BEND7: variants seen among roughly 807,000 people sequenced by gnomAD.
BEND7 encodes BEN domain-containing protein 7.
A neutral mutation model predicts 50.9 loss-of-function variants in BEND7; 28 were observed. The ratio of observed to expected loss-of-function variants is 0.55; its 90% confidence interval spans 0.41 to 0.75. BEND7 has a LOEUF of 0.75. Ranked by LOEUF, BEND7 falls within the 30% of genes least tolerant of loss-of-function variation. The probability of loss-of-function intolerance (pLI) is 0.00; values close to 1 mark genes in which losing one functional copy is unlikely to be tolerated. For missense variants in BEND7, 477 were observed against 491.3 expected (o/e 0.97, Z 0.28); for synonymous variants, 170 against 183.9 (o/e 0.92, Z 0.61).
intron 8 of BEND7, chr10:13,444,619 T>C (rs1835900105): frequency 6.6e-6 from 1 of 152,116 alleles, no homozygotes; most frequent in Admixed American, 6.5e-5. Flanking sequence ...AGCTCAAGGA[T>C]GAAACCACAT....
chr10:13,452,526 A>G lies in BEND7; in HGVS notation c.1183+13T>C. ...AGTGCTTCTCCAATTATTTTTCTGCACCTTAGTCATACCTGAGCCTCTTTT... is the reference window on the plus strand; with the variant it reads ...AGTGCTTCTCCAATTATTTTTCTGCGCCTTAGTCATACCTGAGCCTCTTTT... On this transcript the variant is annotated intron_variant, in intron 7 of 8. Coordinates refer to ENST00000466271, the MANE Select transcript of BEND7 (RefSeq NM_001369863.1). 2 of 1,591,384 alleles carry G rather than the reference A, an allele frequency of 1.3e-6. No individual in the cohort carries two copies. The highest frequency in any genetic ancestry group is 4.5e-5 in the East Asian group (2 of 44,572).
At chr10:13,506,839 C>A (rs1322435145) in intron 2 of BEND7, among the ~76,000 whole-genome samples, 1 of 151,472 alleles carries the variant, frequency 6.6e-6, no homozygotes. Context: ...GGGGTGGAGG[C>A]GGGAAGAATC....
intron 7 of BEND7, 22 bp from the exon 8 acceptor site, chr10:13,447,338 C>A: frequency 1.2e-6 from 2 of 1,613,628 alleles, no homozygotes; most frequent in Non-Finnish European, 1.7e-6. Context: ...AAACATAAGA[C>A]ACAAATCTCA....
intron 2 of BEND7, among the ~76,000 whole-genome samples, chr10:13,504,595 C>T (rs1819671842): frequency 6.6e-6 from 1 of 152,212 alleles, no homozygotes; most frequent in African/African-American, 2.4e-5. Context: ...TAGTCAATGA[C>T]TTCTCCAGGT....
chr10:13,439,803 G>A (rs1835108781), downstream of BEND7, among the ~76,000 whole-genome samples: 1 of 152,156 alleles, frequency 6.6e-6, no homozygotes, highest in African/African-American at 2.4e-5. Context: ...CCTAAGATAG[G>A]ACTCCGATCA....
intron 6 of BEND7, among the ~76,000 whole-genome samples, chr10:13,471,573 C>T (rs923960176): frequency 6.6e-6 from 1 of 152,262 alleles, no homozygotes; most frequent in Non-Finnish European, 1.5e-5. Flanking sequence ...CTGGAAATGC[C>T]TTCTTCCACC....
At chr10:13,472,117 T>C (rs1321799200) in intron 6 of BEND7, among the ~76,000 whole-genome samples, 2 of 152,102 alleles carry the variant, frequency 1.3e-5, no homozygotes, top group African/African-American at 2.4e-5. Context: ...ACTGTTAGAC[T>C]TGGGGTTGAT....
At chr10:13,515,853 C>T (rs192034386) in intron 2 of BEND7, among the ~76,000 whole-genome samples, 110 of 152,338 alleles carry the variant, frequency 7.2e-4, no homozygotes, top group Admixed American at 3.0e-3. Flanking sequence ...AAGGACCATG[C>T]TGTAGCTTAC....
intron 2 of BEND7, 68 bp from the exon 3 acceptor site, chr10:13,500,148 A>T (rs2077336627): frequency 7.8e-7 from 1 of 1,278,238 alleles, no homozygotes; most frequent in Non-Finnish European, 1.1e-6. Context: ...CTAACCAAAA[A>T]GAAGAGAAAG....
In BEND7 at chr10:13,502,526, G is replaced by C. The variant is rs73588781; in HGVS notation, c.146-2446C>G. Among the ~76,000 whole-genome samples the C allele has an allele frequency of 5.9e-3, 905 of 152,282 alleles. 12 individuals are homozygous for C. Among genetic ancestry groups the C allele is most frequent in the African/African-American group, 0.021 (870 of 41,548 alleles). ...GCGAGATTTCAATAACGCAGAGTCA[G>C]CAAAATTTACTACTTTCTCGAGAGG... is the stretch of plus-strand genomic sequence containing the variant. On this transcript the variant is annotated intron_variant, in intron 2 of 8. Coordinates refer to ENST00000466271, the MANE Select transcript of BEND7 (RefSeq NM_001369863.1).
At chr10:13,521,971 A>T (rs567572273) in intron 2 of BEND7, among the ~76,000 whole-genome samples, 1 of 152,306 alleles carries the variant, frequency 6.6e-6, no homozygotes, top group South Asian at 2.1e-4. Context: ...CAAGAAAGCC[A>T]CTGAAAAGAG....
chr10:13,500,439 G>A (rs2077357772), intron 2 of BEND7: 11 of 875,922 alleles, frequency 1.3e-5, no homozygotes, highest in South Asian at 4.3e-5. Context: ...ACTGGACCGC[G>A]GAACCCCTCT....
intron 7 of BEND7, among the ~76,000 whole-genome samples, chr10:13,451,721 T>C (rs556216469): frequency 8.0e-4 from 121 of 151,514 alleles, no homozygotes; most frequent in African/African-American, 2.9e-3. Flanking sequence ...TAACTCGTCA[T>C]TTAACATTAG....
At chr10:13,466,516 A>C (rs1461050473) in intron 6 of BEND7, among the ~76,000 whole-genome samples, 1 of 152,068 alleles carries the variant, frequency 6.6e-6, no homozygotes, top group Admixed American at 6.5e-5. Context: ...CCAAGATCAC[A>C]CCACTGCAGT....
chr10:13,481,288 C>A (rs149652848), intron 5 of BEND7, among the ~76,000 whole-genome samples, 164 bp from the exon 6 acceptor site: 1 of 152,198 alleles, frequency 6.6e-6, no homozygotes, highest in East Asian at 1.9e-4. Flanking sequence ...TTTATAAAAC[C>A]AAGGACTAGT....
In BEND7 at chr10:13,441,306, T is replaced by C; in HGVS notation, c.*437A>G. 1.0e-6 allele frequency: 1 copy of C among 984,096 alleles called. No individual in the cohort carries two copies. Among genetic ancestry groups the C allele is most frequent in the Non-Finnish European group, 1.2e-6 (1 of 827,144 alleles). The allele number at this position is 984,096 out of a possible 1,614,324, so 61.0% of individuals were successfully genotyped here. A position where few individuals can be genotyped will look rare whatever the true frequency, so the allele number is the denominator to read the frequency against. ...TTATCCATAGATATGGATTTTTTTT[T>C]TGCTAAGAAAGCCTATAAAAAGGTT... On this transcript the variant is annotated 3_prime_UTR_variant, in exon 9 of 9. Transcript: ENST00000466271.
chr10:13,460,516 C>T (rs1024938770), intron 6 of BEND7, among the ~76,000 whole-genome samples: 1 of 152,234 alleles, frequency 6.6e-6, no homozygotes, highest in Non-Finnish European at 1.5e-5. Flanking sequence ...CCTTCTGCCT[C>T]AGCCTCCTGA....
intron 8 of BEND7, chr10:13,445,939 T>G (rs1836223161): frequency 6.6e-6 from 1 of 152,202 alleles, no homozygotes; most frequent in Non-Finnish European, 1.5e-5. Context: ...ACGATTAGGA[T>G]TTCATGGATC....
chr10:13,469,706 A>C (rs993273471), intron 6 of BEND7, among the ~76,000 whole-genome samples: 1 of 152,088 alleles, frequency 6.6e-6, no homozygotes, highest in African/African-American at 2.4e-5. Flanking sequence ...CAATCTCTCG[A>C]CCTCATGATC....
Sources: gnomAD v4.1 joint callset for allele counts (sites outside exome capture counted in the v4.1 genomes callset) on GRCh38, gnomAD v4.1.1 for gene constraint, MANE v1.5 for transcripts, NCBI Gene and HGNC (gene_info 2026-07-23, HGNC 2026-07-21) for gene names.